The following TPRG1 variants were observed in gnomAD, a reference collection of about 807,000 sequenced individuals.
TPRG1 encodes tumor protein p63 regulated 1, also known as tumor protein p63-regulated gene 1 protein.
In TPRG1, 29 loss-of-function variants were observed where a neutral mutation model predicts 29.3. The observed-to-expected ratio is 0.99, with a 90% confidence interval of 0.74 to 1.35. TPRG1 has a LOEUF of 1.35. Among genes scored for constraint, TPRG1 ranks in the 40% most tolerant of loss-of-function variants. TPRG1 has a pLI of 0.00. For synonymous variants in TPRG1, 130 were observed against 116.8 expected (o/e 1.11, Z -0.73); for missense variants, 327 against 335.0 (o/e 0.98, Z 0.19).
chr3:189,163,858 A>G (rs1458082591), intron 5 of TPRG1, among the ~76,000 whole-genome samples: 1 of 152,180 alleles, frequency 6.6e-6, no homozygotes, highest in African/African-American at 2.4e-5. Context: ...CTAGCAGGGC[A>G]GTCCCTGAGG....
At chr3:189,068,056 G>T (rs185342686) in intron 4 of TPRG1, among the ~76,000 whole-genome samples, 1 of 152,206 alleles carries the variant, frequency 6.6e-6, no homozygotes, top group African/African-American at 2.4e-5. Flanking sequence ...TGGCCAACAG[G>T]TATATGAAAA....
chr3:189,258,602 C>T (rs939159787), intron 4 of TPRG1, among the ~76,000 whole-genome samples: 1 of 152,168 alleles, frequency 6.6e-6, no homozygotes, highest in Non-Finnish European at 1.5e-5. Flanking sequence ...ACTGTGCCCA[C>T]AGCCGCCCCT....
At chr3:189,272,717 T>TTC (rs1430207415) in intron 4 of TPRG1, among the ~76,000 whole-genome samples, 1,522 of 97,322 alleles carry the variant, frequency 0.016, 31 homozygotes, top group African/African-American at 0.07. Flanking sequence ...TTCTTTCTCC[T>TTC]TCCTTCCTTC....
rs1162846746 is a variant in TPRG1 at position 189,322,423 on chromosome 3, T to TC, written c.*1609dup. The TC allele has an allele frequency of 6.6e-6, 1 of 152,352 alleles. No homozygotes were observed. Among genetic ancestry groups the TC allele is most frequent in the Non-Finnish European group, 1.5e-5 (1 of 68,004 alleles). 9.4% of individuals were successfully genotyped at this position (152,352 alleles called of 1,614,324 possible). On this transcript the variant is annotated 3_prime_UTR_variant, in exon 6 of 6. Transcript: ENST00000345063. ...CGCCTTTACAGCACCCACTTTTTCT[T>TC]CCCCCCATGATGGCAAATATTGTTA...
intron 4 of TPRG1, among the ~76,000 whole-genome samples, chr3:189,298,597 C>T (rs1361731783): frequency 6.6e-6 from 1 of 152,108 alleles, no homozygotes; most frequent in Admixed American, 6.5e-5. Flanking sequence ...CTGAGTTTCA[C>T]CTGTGGTTGG....
At chr3:189,291,926 C>T (rs896384053) in intron 4 of TPRG1, among the ~76,000 whole-genome samples, 1 of 152,138 alleles carries the variant, frequency 6.6e-6, no homozygotes, top group African/African-American at 2.4e-5. Context: ...CAGAGACATC[C>T]CAGAGCTCTG....
Position 189,272,719 on chromosome 3 carries a change from C to T in TPRG1, c.479+33810C>T, listed in dbSNP as rs1324246884. On this transcript the variant is annotated intron_variant, in intron 4 of 5. Coordinates refer to ENST00000345063, the MANE Select transcript of TPRG1 (RefSeq NM_198485.4). ...TCTCTTTCTTTCTTTCTTTCTCCTT[C>T]CTTCCTTCCTTCCTTCCTTCCTTCC... is the stretch of plus-strand genomic sequence containing the variant. Among the ~76,000 whole-genome samples, 443 of 121,900 alleles carry T rather than the reference C, an allele frequency of 3.6e-3. 2 individuals carry two copies. Among genetic ancestry groups the T allele is most frequent in the African/African-American group, 0.015 (402 of 27,642 alleles). The allele number at this position is 121,900 out of a possible 152,430, so 80.0% of individuals were successfully genotyped here.
chr3:189,017,256 T>C (rs1482250549), intron 3 of TPRG1, among the ~76,000 whole-genome samples: 2 of 151,852 alleles, frequency 1.3e-5, no homozygotes, highest in Non-Finnish European at 2.9e-5. Flanking sequence ...TACTTTAAGT[T>C]TTAGGGTACA....
intron 3 of TPRG1, among the ~76,000 whole-genome samples, chr3:189,143,742 T>C (rs968709103): frequency 6.6e-6 from 1 of 152,228 alleles, no homozygotes; most frequent in Non-Finnish European, 1.5e-5. Flanking sequence ...TGTTTTCATA[T>C]GTTTTACCAC....
chr3:189,041,499 A>C (rs1714633164), intron 4 of TPRG1, among the ~76,000 whole-genome samples: 1 of 152,186 alleles, frequency 6.6e-6, no homozygotes, highest in Non-Finnish European at 1.5e-5. Flanking sequence ...TGATTAAGTA[A>C]GCACTCAATG....
rs568609193 is a variant in TPRG1 at position 189,263,581 on chromosome 3, T to G, written c.479+24672T>G. ...ACAGTTAAAACTAGTTTGAAAGCAC[T>G]TACTATAAACTGTGGGGACATCTCT... On this transcript the variant is annotated intron_variant, in intron 4 of 5. Transcript: ENST00000345063. Among the ~76,000 whole-genome samples, 35 of 152,334 alleles carry G rather than the reference T, an allele frequency of 2.3e-4. No homozygotes were observed. In the South Asian group the frequency reaches 7.0e-3, roughly 31 times the overall value.
chr3:189,014,622 ATCT>A (rs1211884042), intron 3 of TPRG1, among the ~76,000 whole-genome samples: 2 of 152,104 alleles, frequency 1.3e-5, no homozygotes, highest in East Asian at 1.9e-4. Flanking sequence ...CATGGGGGAA[ATCT>A]TCTCCCTTGC....
At chr3:189,097,101 T>C (rs924014672), upstream of TPRG1, among the ~76,000 whole-genome samples, 2 of 152,246 alleles carry the variant, frequency 1.3e-5, no homozygotes, top group African/African-American at 2.4e-5. Context: ...CTGGGAAATA[T>C]TGGTTCACTG....
At chr3:189,281,442 T>C (rs1281935947) in intron 4 of TPRG1, among the ~76,000 whole-genome samples, 2 of 152,238 alleles carry the variant, frequency 1.3e-5, no homozygotes, top group Non-Finnish European at 2.9e-5. Flanking sequence ...CAGTGAAATG[T>C]AGAGGACAGC....
chr3:188,998,682 G>A (rs1003315527), intron 1 of TPRG1, among the ~76,000 whole-genome samples: 68 of 152,192 alleles, frequency 4.5e-4, no homozygotes, highest in Non-Finnish European at 9.4e-4. Context: ...CAACATGGAT[G>A]GAACTGGAGT....
chr3:189,023,616 C>G (rs1329391191), intron 3 of TPRG1: 1 of 152,234 alleles, frequency 6.6e-6, no homozygotes, highest in Non-Finnish European at 1.5e-5. Flanking sequence ...TGCACTGATT[C>G]TTTCTCATCT....
At chr3:189,113,774 G>T (rs1173062748) in intron 1 of TPRG1, among the ~76,000 whole-genome samples, 1 of 151,786 alleles carries the variant, frequency 6.6e-6, no homozygotes, top group Non-Finnish European at 1.5e-5. Context: ...GTTGTGGGGT[G>T]GGGGGACGGG....
At chr3:189,140,627 C>T (rs1051675422) in intron 3 of TPRG1, among the ~76,000 whole-genome samples, 5 of 152,094 alleles carry the variant, frequency 3.3e-5, no homozygotes, top group South Asian at 2.1e-4. Flanking sequence ...CGTTCTTTTC[C>T]GTACAATTCT....
chr3:189,256,397 C>A (rs1280216528), intron 4 of TPRG1, among the ~76,000 whole-genome samples: 2 of 152,080 alleles, frequency 1.3e-5, no homozygotes, highest in Non-Finnish European at 2.9e-5. Context: ...CGCTCTTTTG[C>A]ATTTGCTGAG....
Sources: allele counts gnomAD v4.1 joint callset (sites outside exome capture counted in the v4.1 genomes callset), GRCh38; gene constraint gnomAD v4.1.1; transcripts MANE v1.5; gene names NCBI Gene and HGNC (gene_info 2026-07-23, HGNC 2026-07-21).